The following TPO variants were observed in gnomAD, a reference collection of about 807,000 sequenced individuals.
TPO encodes the protein thyroid peroxidase.
In TPO, 78 loss-of-function variants were observed where a neutral mutation model predicts 96.9. The ratio of observed to expected loss-of-function variants is 0.81; its 90% CI spans 0.67 to 0.97. TPO has a LOEUF of 0.97. TPO is among the 50% of genes least tolerant of loss of function. TPO has a pLI of 0.00. For missense variants in TPO, 1,252 were observed against 1,274.8 expected, an observed-to-expected ratio of 0.98 and a Z score of 0.27; for synonymous variants, 547 against 538.0, an observed-to-expected ratio of 1.02 and a Z score of -0.23.
chr2:1,476,937 G>A (rs915862528), intron 7 of TPO, 149 bp from the exon 8 acceptor site: 9 of 1,039,316 alleles, frequency 8.7e-6, no homozygotes, highest in Admixed American at 8.3e-5. Flanking sequence ...GGGGGGAGGT[G>A]AGGGGACTGG....
intron 5 of TPO, 30 bp downstream of exon 5, chr2:1,436,414 C>A (rs1278645740): frequency 6.2e-7 from 1 of 1,613,912 alleles, no homozygotes; most frequent in Non-Finnish European, 8.5e-7. Context: ...TTAATCTTCT[C>A]GTGAAAGTTG....
intron 14 of TPO, among the ~76,000 whole-genome samples, chr2:1,513,234 T>G (rs1409045383): frequency 3.3e-5 from 5 of 151,940 alleles, no homozygotes; most frequent in African/African-American, 9.7e-5. Flanking sequence ...TGAGGAAGGG[T>G]GGACACAGAC....
intron 5 of TPO, 136 bp downstream of exon 5, chr2:1,436,520 C>A: frequency 2.2e-6 from 3 of 1,359,080 alleles, no homozygotes; most frequent in Non-Finnish European, 2.0e-6. Flanking sequence ...TCCTTGGCCT[C>A]CCCGACATGG....
Position 1,540,647 on chromosome 2 carries a change from C to T in TPO, c.2672C>T (p.Thr891Ile). ...TLPISETGGG[T>I]PELRCGKHQA... is the part of the protein sequence containing the mutation. ...CCCATCTCGGAGACAGGCGGAGGAA[C>T]TCCCGAGCTGAGATGCGGAAAGCAC... The change falls in exon 16 of 17, where the codon ACT becomes ATT. Residue 891 changes from threonine (T) to isoleucine (I), a missense_variant. Thr to Ile is a moderately conservative substitution (Grantham distance 89). Transcript: ENST00000329066. 1 of 1,613,610 alleles carries T rather than the reference C, an allele frequency of 6.2e-7. No individual in the cohort carries two copies. Among genetic ancestry groups the T allele is most frequent in the Non-Finnish European group, 8.5e-7 (1 of 1,180,032 alleles).
chr2:1,504,088 G>C lies in TPO; in HGVS notation c.2518+9G>C, dbSNP rs766701376. ...TGGGAGAACCTGCGTAGGTGAGGCT[G>C]TTCCCCTCTCTCTCTGTCCGTCCAT... On this transcript the variant is annotated intron_variant, in intron 14 of 16. Coordinates refer to ENST00000329066, the MANE Select transcript of TPO (RefSeq NM_001206744.2). The C allele has an allele frequency of 6.2e-7, 1 of 1,613,966 alleles. No individual in the cohort carries two copies. Among genetic ancestry groups the C allele is most frequent in the Non-Finnish European group, 8.5e-7 (1 of 1,180,048 alleles).
chr2:1,528,675 C>T lies in TPO; in HGVS notation c.2618+11693C>T, dbSNP rs1205045967. Reference sequence around the variant, plus strand: ...CACCACATCCACCACTGTGTGCAACCTCCCCAAATCCCCCCTACCTTGTGC... The same window carrying T: ...CACCACATCCACCACTGTGTGCAACTTCCCCAAATCCCCCCTACCTTGTGC... On this transcript the variant is annotated intron_variant, in intron 15 of 16. Coordinates refer to ENST00000329066, the MANE Select transcript of TPO (RefSeq NM_001206744.2). Among the ~76,000 whole-genome samples, 3 of 144,644 alleles carry T rather than the reference C, an allele frequency of 2.1e-5. 1 individual carries two copies. The highest frequency in any genetic ancestry group is 7.9e-5 in the African/African-American group (3 of 38,046). The allele number at this position is 144,644 out of a possible 152,430, so 94.9% of individuals were successfully genotyped here.
At chr2:1,499,624 A>G (rs1207195043) in intron 13 of TPO, among the ~76,000 whole-genome samples, 1 of 139,484 alleles carries the variant, frequency 7.2e-6, no homozygotes, top group Non-Finnish European at 1.6e-5. Context: ...AACATCACCA[A>G]GGAGCTTATT....
rs190687370 is a variant in TPO, at chr2:1,458,026, C to T, written c.819+1744C>T. ...TGGCATATAAGATAGTGTGTGGGCA[C>T]GTGTGTATATGGCATATAAGACAGT... is the stretch of plus-strand genomic sequence containing the variant. On this transcript the variant is annotated intron_variant, in intron 7 of 16. Transcript: ENST00000329066. Among the ~76,000 whole-genome samples, 139 of 146,882 alleles carry T rather than the reference C, an allele frequency of 9.5e-4. 1 individual carries two copies. The highest frequency in any genetic ancestry group is 1.3e-3 in the Non-Finnish European group (89 of 67,176).
chr2:1,410,009 G>C (rs947350098), upstream of TPO, among the ~76,000 whole-genome samples: 5 of 151,984 alleles, frequency 3.3e-5, no homozygotes, highest in African/African-American at 1.2e-4. Context: ...GTGAGGGGCA[G>C]AAAGATGCTG....
chr2:1,466,870 G>C (rs933511195), intron 7 of TPO, among the ~76,000 whole-genome samples: 1 of 151,788 alleles, frequency 6.6e-6, no homozygotes, highest in Non-Finnish European at 1.5e-5. Flanking sequence ...TTTTGTTGTT[G>C]TTTCAATTTC....
chr2:1,482,779 A>G (rs920988073), intron 8 of TPO, among the ~76,000 whole-genome samples: 14 of 152,146 alleles, frequency 9.2e-5, no homozygotes, highest in African/African-American at 1.4e-4. Flanking sequence ...GGCTCAAGCA[A>G]TCCTCCACCT....
chr2:1,486,283 AGGCTGAGG>A (rs1489542272), intron 9 of TPO, among the ~76,000 whole-genome samples: 1 of 152,144 alleles, frequency 6.6e-6, no homozygotes, highest in Non-Finnish European at 1.5e-5. Flanking sequence ...GCACTTTGGG[AGGCTGAGG>A]CAGGCGGATC....
intron 14 of TPO, among the ~76,000 whole-genome samples, chr2:1,513,942 T>C (rs1441498195): frequency 6.6e-6 from 1 of 152,214 alleles, no homozygotes; most frequent in Non-Finnish European, 1.5e-5. Flanking sequence ...TAGATTTTGG[T>C]ATAGATGTAA....
At chr2:1,411,128 G>T (rs939562166), upstream of TPO, among the ~76,000 whole-genome samples, 1 of 152,050 alleles carries the variant, frequency 6.6e-6, no homozygotes, top group Non-Finnish European at 1.5e-5. Context: ...CTGCAAACCC[G>T]CCATTCTCAG....
intron 3 of TPO, among the ~76,000 whole-genome samples, chr2:1,430,979 A>G (rs1271468044): frequency 1.3e-5 from 2 of 152,208 alleles, no homozygotes; most frequent in Non-Finnish European, 2.9e-5. Context: ...GCCAGAATAA[A>G]TTAAGACTTT....
rs766695134 is a variant in TPO at position 1,542,562 on chromosome 2, A to G, written c.*88A>G. ...TCCAAACACAGGCAAATCCGAAATC[A>G]GCAGGACGACTGTTTTCCCAACACG... On this transcript the variant is annotated 3_prime_UTR_variant, in exon 17 of 17. Coordinates refer to ENST00000329066, the MANE Select transcript of TPO (RefSeq NM_001206744.2). 3.8e-6 allele frequency: 6 copies of G among 1,586,828 alleles called. No individual in the cohort carries two copies. Among genetic ancestry groups the G allele is most frequent in the Non-Finnish European group, 5.1e-6 (6 of 1,165,772 alleles).
chr2:1,532,934 A>C (rs2125261645), intron 15 of TPO, among the ~76,000 whole-genome samples: 3 of 103,630 alleles, frequency 2.9e-5, no homozygotes, highest in Admixed American at 1.1e-4. Flanking sequence ...AATCTCCCCC[A>C]CTATGTGCAA....
At chr2:1,401,563 G>T (rs1211611932) in intron 1 of TPO, among the ~76,000 whole-genome samples, 1 of 152,094 alleles carries the variant, frequency 6.6e-6, no homozygotes, top group Non-Finnish European at 1.5e-5. Flanking sequence ...GACCCAGCCA[G>T]GCCAGCTACA....
chr2:1,493,728 C>T, intron 10 of TPO, 74 bp from the exon 11 acceptor site: 1 of 1,559,362 alleles, frequency 6.4e-7, no homozygotes, highest in Non-Finnish European at 8.8e-7. Flanking sequence ...TCTCGGGGAC[C>T]ATGGCATGAG....
Sources: allele counts gnomAD v4.1 joint callset (sites outside exome capture counted in the v4.1 genomes callset), GRCh38; gene constraint gnomAD v4.1.1; transcripts MANE v1.5; gene names NCBI Gene and HGNC (gene_info 2026-07-23, HGNC 2026-07-21).